Variants in IRF5 observed in about 807,000 individuals in gnomAD.
IRF5 encodes interferon regulatory factor 5.
IRF5 carries 24 observed loss-of-function variants against 55.1 expected under a neutral mutation model. That is an observed-to-expected ratio of 0.44 (90% CI 0.32 to 0.61). IRF5 has a LOEUF of 0.61. Among genes scored for constraint, IRF5 ranks in the 20% least tolerant of loss-of-function variants. The probability of loss-of-function intolerance (pLI) is 0.07; values close to 1 mark genes in which losing one functional copy is unlikely to be tolerated. For missense variants in IRF5, 499 were observed against 658.5 expected (o/e 0.76, Z 2.65); for synonymous variants, 258 against 260.2 (o/e 0.99, Z 0.08).
chr7:128,945,472 A>AGG, intron 2 of IRF5, among the ~76,000 whole-genome samples: 1 of 152,164 alleles, frequency 6.6e-6, no homozygotes, highest in Non-Finnish European at 1.5e-5. Flanking sequence ...ATCAAGACAA[A>AGG]GGGAGGCAGT....
In IRF5 at chr7:128,947,558, G is replaced by A. The variant is rs752716222; in HGVS notation, c.787+23G>A. ...CTCGTAAGGACCCATGGCTGGGCAC[G>A]GGGAAGCAGTGCTGGGGGATTGGGG... On this transcript the variant is annotated intron_variant, in intron 6 of 8. Coordinates refer to ENST00000357234, the MANE Select transcript of IRF5 (RefSeq NM_001098629.3). The surrounding 1 kb of genome is among the most constrained non-coding windows in gnomAD (Gnocchi z 6.5). The A allele has an allele frequency of 2.5e-5, 39 of 1,534,216 alleles. No homozygotes were observed. The Admixed American group carries it at 3.0e-4, about 12-fold the overall frequency.
At chr7:128,943,241 G>T in intron 2 of IRF5, 1 of 185,974 alleles carries the variant, frequency 5.4e-6, no homozygotes, top group Non-Finnish European at 1.2e-5. Flanking sequence ...ATGTTGCCCA[G>T]GCTGGTCTTG....
chr7:128,947,827 G>A lies in IRF5; in HGVS notation c.886G>A (p.Glu296Lys). The change falls in exon 7 of 9, where the codon GAG becomes AAG. Residue 296 changes from glutamate (E) to lysine (K), a missense_variant. Transcript: ENST00000357234. This position sits in a 1 kb window ranked among gnomAD's most constrained non-coding sequence, Gnocchi z 6.5. ...CTGCCGGCTCTTCTACAGCCAGCTGGAGGCCACCCAGGAGCAGGTGGAACT... is the reference window on the plus strand; with the variant it reads ...CTGCCGGCTCTTCTACAGCCAGCTGAAGGCCACCCAGGAGCAGGTGGAACT... ...HGCRLFYSQL[E>K]ATQEQVELFG... 1.2e-6 allele frequency: 2 copies of A among 1,613,874 alleles called. No homozygotes were observed. Among genetic ancestry groups the A allele is most frequent in the East Asian group, 4.5e-5 (2 of 44,882 alleles).
intron 1 of IRF5, among the ~76,000 whole-genome samples, chr7:128,938,964 A>G (rs1456014438): frequency 1.4e-5 from 2 of 146,790 alleles, no homozygotes; most frequent in Non-Finnish European, 3.0e-5. Context: ...GGAGAGGTCC[A>G]GAGGCCGACT....
chr7:128,943,707 ATTTTTTTTTTTTTTTTTTT>A (rs61451031), intron 2 of IRF5, among the ~76,000 whole-genome samples: 13 of 71,930 alleles, frequency 1.8e-4, no homozygotes, highest in Admixed American at 6.7e-4. Context: ...TGCCCGGCTA[ATTTTTTTTTTTTTTTTTTT>A]TTTTTTTTTT....
chr7:128,947,571 T>C lies in IRF5; in HGVS notation c.787+36T>C. The C allele has an allele frequency of 2.0e-6, 3 of 1,527,994 alleles. No individual in the cohort carries two copies. The highest frequency in any genetic ancestry group is 2.6e-6 in the Non-Finnish European group (3 of 1,146,454). 94.7% of individuals were successfully genotyped at this position (1,527,994 alleles called of 1,614,324 possible). A position where few individuals can be genotyped will look rare whatever the true frequency, so the allele number is the denominator to read the frequency against. On this transcript the variant is annotated intron_variant, in intron 6 of 8. Transcript: ENST00000357234. The surrounding 1 kb of genome is among the most constrained non-coding windows in gnomAD (Gnocchi z 6.5). ...ATGGCTGGGCACGGGGAAGCAGTGC[T>C]GGGGGATTGGGGTAGGATTGGCAAG...
At position 128,947,380 on chromosome 7, in the gene IRF5, C is replaced by T. The variant is rs1362066496; in HGVS notation, c.632C>T (p.Pro211Leu). The T allele has an allele frequency of 3.1e-6, 5 of 1,610,434 alleles. No homozygotes were observed. Among genetic ancestry groups the T allele is most frequent in the Non-Finnish European group, 4.2e-6 (5 of 1,178,854 alleles). The change falls in exon 6 of 9, where the codon CCA becomes CTA. Residue 211 changes from proline (P) to leucine (L), a missense_variant. Physicochemically the swap from Pro to Leu is moderately conservative, Grantham distance 98. Transcript: ENST00000357234. This position sits in a 1 kb window ranked among gnomAD's most constrained non-coding sequence, Gnocchi z 6.5. ...CCCGTGGTGCTGGGTCCCCCTGCTC[C>T]AGACCCCAGCCCCCTGGCTCCTCCC... ...QPPVVLGPPAPDPSPLAPPPG... is the reference protein window; with the variant it reads ...QPPVVLGPPALDPSPLAPPPG...
At position 128,949,161 on chromosome 7, in the gene IRF5, G is replaced by C. The variant is rs116704553; in HGVS notation, c.*343G>C. ...CCATTTCCTCTGGCAACAAAAGCCAGAGTGTTGTGGGCCAAGTCCCCCCAC... is the reference window on the plus strand; with the variant it reads ...CCATTTCCTCTGGCAACAAAAGCCACAGTGTTGTGGGCCAAGTCCCCCCAC... On this transcript the variant is annotated 3_prime_UTR_variant, in exon 9 of 9. Transcript: ENST00000357234. 1,725 of 265,730 alleles carry C rather than the reference G, an allele frequency of 6.5e-3. 23 individuals carry two copies. Among genetic ancestry groups the C allele is most frequent in the African/African-American group, 0.035 (1,580 of 45,412 alleles). 16.5% of individuals were successfully genotyped at this position (265,730 alleles called of 1,614,324 possible). A position where few individuals can be genotyped will look rare whatever the true frequency, so the allele number is the denominator to read the frequency against.
intron 2 of IRF5, among the ~76,000 whole-genome samples, chr7:128,944,674 A>G (rs1051128397): frequency 6.6e-6 from 1 of 152,206 alleles, no homozygotes; most frequent in Non-Finnish European, 1.5e-5. Flanking sequence ...GCAAATATGG[A>G]ACTATCCTTT....
In IRF5 at chr7:128,949,453, C is replaced by T. The variant is rs1220037278; in HGVS notation, c.*635C>T. ...CATGCTGCTCCACCAGGCCCTGTTT[C>T]GGATGCCAACTGGCCCACTCCCCAA... On this transcript the variant is annotated 3_prime_UTR_variant, in exon 9 of 9. Coordinates refer to ENST00000357234, the MANE Select transcript of IRF5 (RefSeq NM_001098629.3). The T allele has an allele frequency of 2.6e-5, 4 of 152,250 alleles. No individual in the cohort carries two copies. Among genetic ancestry groups the T allele is most frequent in the East Asian group, 1.9e-4 (1 of 5,198 alleles). The allele number at this position is 152,250 out of a possible 1,614,324, so 9.4% of individuals were successfully genotyped here. A position where few individuals can be genotyped will look rare whatever the true frequency, so the allele number is the denominator to read the frequency against.
chr7:128,949,089 G>C lies in IRF5; in HGVS notation c.*271G>C, dbSNP rs1159221740. ...AGAACTCTCCCAACCCTGGGGCCTAGCTGTATAGGAGGAATTGCCTAAGGG... is the reference window on the plus strand; with the variant it reads ...AGAACTCTCCCAACCCTGGGGCCTACCTGTATAGGAGGAATTGCCTAAGGG... On this transcript the variant is annotated 3_prime_UTR_variant, in exon 9 of 9. Transcript: ENST00000357234. The C allele has an allele frequency of 1.5e-5, 7 of 474,804 alleles. No individual in the cohort carries two copies. Among genetic ancestry groups the C allele is most frequent in the Non-Finnish European group, 2.7e-5 (7 of 261,228 alleles). 29.4% of individuals were successfully genotyped at this position (474,804 alleles called of 1,614,324 possible).
chr7:128,948,343 T>C lies in IRF5; in HGVS notation c.1299+15T>C, dbSNP rs749941946. On this transcript the variant is annotated intron_variant, in intron 8 of 8. Coordinates refer to ENST00000357234, the MANE Select transcript of IRF5 (RefSeq NM_001098629.3). The surrounding 1 kb of genome is among the most constrained non-coding windows in gnomAD (Gnocchi z 4.6). ...TTACTGTACAGGTACATCTCCCCTA[T>C]CCCAAAGTCGGCCTTGGCTTGAAAA... is the stretch of plus-strand genomic sequence containing the variant. The C allele has an allele frequency of 6.4e-7, 1 of 1,566,808 alleles. No individual in the cohort carries two copies. Among genetic ancestry groups the C allele is most frequent in the South Asian group, 1.2e-5 (1 of 83,526 alleles).
chr7:128,947,073 G>A lies in IRF5; in HGVS notation c.481+17G>A, dbSNP rs1796343864. 1.2e-6 allele frequency: 2 copies of A among 1,613,992 alleles called. No individual in the cohort carries two copies. Among genetic ancestry groups the A allele is most frequent in the African/African-American group, 1.3e-5 (1 of 74,896 alleles). On this transcript the variant is annotated intron_variant, in intron 5 of 8. Coordinates refer to ENST00000357234, the MANE Select transcript of IRF5 (RefSeq NM_001098629.3). This position sits in a 1 kb window ranked among gnomAD's most constrained non-coding sequence, Gnocchi z 6.5. ...GCCTCACAGGTGGGGCCGGGAGGTG[G>A]TGGTTGGGGGTCTAGTATACAGAGA...
At position 128,947,303 on chromosome 7, in the gene IRF5, GCAGCCGCCCACTCTGCGGCCGCCTA is replaced by G. The variant is rs779028684; in HGVS notation, c.557_581del (p.Gln186LeufsTer62). 3 of 415,214 alleles carry G rather than the reference GCAGCCGCCCACTCTGCGGCCGCCTA, an allele frequency of 7.2e-6. No homozygotes were observed. The highest frequency in any genetic ancestry group is 3.7e-5 in the Admixed American group (1 of 27,028). The allele number at this position is 415,214 out of a possible 1,614,324, so 25.7% of individuals were successfully genotyped here. On this transcript the variant is annotated frameshift_variant, in exon 6 of 9. Coordinates refer to ENST00000357234, the MANE Select transcript of IRF5 (RefSeq NM_001098629.3). LOFTEE classifies it high-confidence loss of function. The surrounding 1 kb of genome is among the most constrained non-coding windows in gnomAD (Gnocchi z 6.5). The stretch of plus-strand genomic sequence containing the variant: ...AGGATGTCAAGTGGCCGCCCACTCT[GCAGCCGCCCACTCTGCGGCCGCCTA>G]CTCTGCAGCCGCCCACTCTGCAGCC...
Position 128,947,669 on chromosome 7 carries a change from G to A in IRF5, c.788-60G>A. ...GGATGGGGCTGGGCCTGGCCACTGG[G>A]CTGCAGAATGGGGAGGCGTGGGGCT... is the stretch of plus-strand genomic sequence containing the variant. On this transcript the variant is annotated intron_variant, in intron 6 of 8. Transcript: ENST00000357234. This position sits in a 1 kb window ranked among gnomAD's most constrained non-coding sequence, Gnocchi z 6.5. 1 of 1,524,664 alleles carries A rather than the reference G, an allele frequency of 6.6e-7. No homozygotes were observed. Among genetic ancestry groups the A allele is most frequent in the Non-Finnish European group, 8.8e-7 (1 of 1,140,770 alleles). The allele number at this position is 1,524,664 out of a possible 1,614,324, so 94.4% of individuals were successfully genotyped here.
chr7:128,947,823 G>A lies in IRF5; in HGVS notation c.882G>A (p.Gln294=). 1.2e-6 allele frequency: 2 copies of A among 1,613,894 alleles called. No individual in the cohort carries two copies. Among genetic ancestry groups the A allele is most frequent in the South Asian group, 2.2e-5 (2 of 91,084 alleles). ...NPHGCRLFYS[Q]LEATQEQVEL... ...ATGGCTGCCGGCTCTTCTACAGCCA[G>A]CTGGAGGCCACCCAGGAGCAGGTGG... The change falls in exon 7 of 9, where the codon CAG becomes CAA. Residue 294 remains glutamine (Q), a synonymous_variant. Transcript: ENST00000357234. The surrounding 1 kb of genome is among the most constrained non-coding windows in gnomAD (Gnocchi z 6.5).
chr7:128,945,322 A>T (rs1874327), intron 2 of IRF5, among the ~76,000 whole-genome samples: 96,970 of 152,006 alleles, frequency 0.64, 31,243 homozygotes, highest in Middle Eastern at 0.7. Flanking sequence ...CCTAGGCTGG[A>T]CTCCAACTCC....
rs1796304841 is a variant in IRF5, at chr7:128,946,419, T to C, written c.386-82T>C. The C allele has an allele frequency of 5.3e-6, 8 of 1,510,092 alleles. No individual in the cohort carries two copies. The South Asian group carries it at 8.6e-5, about 16-fold the overall frequency. The allele number at this position is 1,510,092 out of a possible 1,614,324, so 93.5% of individuals were successfully genotyped here. A position where few individuals can be genotyped will look rare whatever the true frequency, so the allele number is the denominator to read the frequency against. ...GGGAAGGCAGAAGCTGCATAGGAGCTACAGGCAGCCTCTCAGGGGATCTTG... is the reference window on the plus strand; with the variant it reads ...GGGAAGGCAGAAGCTGCATAGGAGCCACAGGCAGCCTCTCAGGGGATCTTG... On this transcript the variant is annotated intron_variant, in intron 3 of 8. Transcript: ENST00000357234. This position sits in a 1 kb window ranked among gnomAD's most constrained non-coding sequence, Gnocchi z 4.2.
chr7:128,947,102 TATAGGTACC>T lies in IRF5; in HGVS notation c.481+56_481+64del. 5 of 1,613,912 alleles carry T rather than the reference TATAGGTACC, an allele frequency of 3.1e-6. No homozygotes were observed. Among genetic ancestry groups the T allele is most frequent in the Non-Finnish European group, 4.2e-6 (5 of 1,179,950 alleles). On this transcript the variant is annotated intron_variant, in intron 5 of 8. Coordinates refer to ENST00000357234, the MANE Select transcript of IRF5 (RefSeq NM_001098629.3). This position sits in a 1 kb window ranked among gnomAD's most constrained non-coding sequence, Gnocchi z 6.5. ...TTGGGGGTCTAGTATACAGAGAAGC[TATAGGTACC>T]ATAGGTACCTGGAAGGGGGCTGATG... is the stretch of plus-strand genomic sequence containing the variant.
Sources: gnomAD v4.1 joint callset for allele counts (sites outside exome capture counted in the v4.1 genomes callset) on GRCh38, gnomAD v4.1.1 for gene constraint, Gnocchi (gnomAD v3.1) non-coding constraint, MANE v1.5 for transcripts, NCBI Gene and HGNC (gene_info 2026-07-23, HGNC 2026-07-21) for gene names.